SLC29A4: variants seen among roughly 807,000 people sequenced by gnomAD.
SLC29A4 encodes equilibrative nucleoside transporter 4.
Under a neutral mutation model 43.9 loss-of-function variants are expected in SLC29A4, and 36 were observed. The observed-to-expected ratio is 0.82, with a 90% CI of 0.63 to 1.08. The LOEUF (loss-of-function observed/expected upper bound fraction) is 1.08, where lower values mean the gene tolerates loss of function less well. Among genes scored for constraint, SLC29A4 ranks in the 50% least tolerant of loss-of-function variants. The probability of loss-of-function intolerance (pLI) is 0.00; values close to 1 mark genes in which losing one functional copy is unlikely to be tolerated. For missense variants in SLC29A4, 869 were observed against 755.3 expected, an observed-to-expected ratio of 1.15 and a Z score of -1.77; for synonymous variants, 491 against 338.0, an observed-to-expected ratio of 1.45 and a Z score of -4.97.
intron 1 of SLC29A4, among the ~76,000 whole-genome samples, chr7:5,286,541 A>G (rs1784962546): frequency 7.7e-6 from 1 of 130,296 alleles, no homozygotes; most frequent in African/African-American, 3.6e-5. Flanking sequence ...AAAAGAAAAA[A>G]GAAAAAAATC....
chr7:5,287,528 G>A (rs1039416488), intron 1 of SLC29A4, among the ~76,000 whole-genome samples: 30 of 152,138 alleles, frequency 2.0e-4, no homozygotes, highest in Admixed American at 1.6e-3. Context: ...ATACAGTCCC[G>A]GCCGCATGGC....
At position 5,291,309 on chromosome 7, in the gene SLC29A4, C is replaced by G. The variant is rs555181078; in HGVS notation, c.415+72C>G. 7.3e-5 allele frequency: 103 copies of G among 1,401,368 alleles called. No individual in the cohort carries two copies. In the African/African-American group the frequency reaches 1.3e-3, roughly 17 times the overall value. The allele number at this position is 1,401,368 out of a possible 1,614,324, so 86.8% of individuals were successfully genotyped here. ...CTGCCTGGCCGGTCACCCACTCACC[C>G]AGTTTCCCTGAGCCTCACTCCCCTC... is the stretch of plus-strand genomic sequence containing the variant. On this transcript the variant is annotated intron_variant, in intron 4 of 10. Transcript: ENST00000396872.
In SLC29A4 at chr7:5,303,118, T is replaced by A. The variant is rs1786288756; in HGVS notation, c.*179T>A. ...CCTGGACTGAAGTTCTGCAAAGTCC[T>A]CCGAGGACCGGAACACGTTTCTGCG... On this transcript the variant is annotated 3_prime_UTR_variant, in exon 11 of 11. Transcript: ENST00000396872. The A allele has an allele frequency of 1.4e-6, 1 of 736,284 alleles. No homozygotes were observed. The highest frequency in any genetic ancestry group is 2.2e-6 in the Non-Finnish European group (1 of 461,044). 45.6% of individuals were successfully genotyped at this position (736,284 alleles called of 1,614,324 possible).
Position 5,294,928 on chromosome 7 carries a change from G to C in SLC29A4, c.613G>C (p.Gly205Arg). The change falls in exon 6 of 11, where the codon GGG (glycine) becomes CGG (arginine). Residue 205 changes from glycine to arginine, a missense_variant. By Grantham distance (125) the Gly-to-Arg change is moderately radical (BLOSUM62 -2). Transcript: ENST00000396872. ...PKRYTQGVMTGESTAGVMISL... is the reference protein window; with the variant it reads ...PKRYTQGVMTRESTAGVMISL... Reference sequence around the variant, plus strand: ...GCGGTACACGCAGGGGGTGATGACCGGGGAGAGTGAGTATCTGCAGACCCC... The same window carrying C: ...GCGGTACACGCAGGGGGTGATGACCCGGGAGAGTGAGTATCTGCAGACCCC... 1 of 1,606,046 alleles carries C rather than the reference G, an allele frequency of 6.2e-7. No homozygotes were observed.
chr7:5,285,575 G>A (rs1364248118), intron 1 of SLC29A4, among the ~76,000 whole-genome samples: 1 of 152,242 alleles, frequency 6.6e-6, no homozygotes, highest in African/African-American at 2.4e-5. Flanking sequence ...GGGACATGGG[G>A]TCACAGGGAG....
intron 5 of SLC29A4, 108 bp downstream of exon 5, chr7:5,291,929 G>T: frequency 6.8e-7 from 1 of 1,474,700 alleles, no homozygotes; most frequent in Non-Finnish European, 9.0e-7. Flanking sequence ...GAACCGGGCT[G>T]GCTGGGTGCC....
At chr7:5,286,542 GAAAA>G (rs71702513) in intron 1 of SLC29A4, among the ~76,000 whole-genome samples, 1 of 116,302 alleles carries the variant, frequency 8.6e-6, no homozygotes, top group African/African-American at 4.3e-5. Context: ...AAAGAAAAAA[GAAAA>G]AAATCATTTT....
chr7:5,291,413 G>A (rs1472097386), intron 4 of SLC29A4, among the ~76,000 whole-genome samples, 176 bp downstream of exon 4: 1 of 152,232 alleles, frequency 6.6e-6, no homozygotes, highest in Non-Finnish European at 1.5e-5. Flanking sequence ...TGTACCCCAA[G>A]TCATGTCCCT....
Position 5,297,585 on chromosome 7 carries a change from C to T in SLC29A4, c.882+387C>T, listed in dbSNP as rs372334342. On this transcript the variant is annotated intron_variant, in intron 7 of 10. Coordinates refer to ENST00000396872, the MANE Select transcript of SLC29A4 (RefSeq NM_153247.4). ...CTCAGCCCTCCTGGCTGCGCCAACCCACGTTGGAGAGTCCTCCTGCAGGCT... is the reference window on the plus strand; with the variant it reads ...CTCAGCCCTCCTGGCTGCGCCAACCTACGTTGGAGAGTCCTCCTGCAGGCT... Among the ~76,000 whole-genome samples, 57 of 152,342 alleles carry T rather than the reference C, an allele frequency of 3.7e-4. No homozygotes were observed. The East Asian group carries it at 0.01, about 27-fold the overall frequency.
intron 9 of SLC29A4, 73 bp downstream of exon 9, chr7:5,299,500 C>A: frequency 6.7e-7 from 1 of 1,488,050 alleles, no homozygotes. Context: ...CTGGCCTATC[C>A]GGGAAGGGTT....
At chr7:5,296,595 T>G (rs954041850) in intron 6 of SLC29A4, among the ~76,000 whole-genome samples, 57 of 3,360 alleles carry the variant, frequency 0.017, no homozygotes, top group East Asian at 0.026. Context: ...AGTCGGGGGG[T>G]GGGGTGGGAT....
At chr7:5,300,218 C>T (rs927361196) in intron 9 of SLC29A4, among the ~76,000 whole-genome samples, 3 of 152,026 alleles carry the variant, frequency 2.0e-5, no homozygotes, top group South Asian at 2.1e-4. Flanking sequence ...GGGGATAGAC[C>T]GATACACTGA....
Position 5,297,191 on chromosome 7 carries a change from T to A in SLC29A4, c.875T>A (p.Val292Asp). 6.3e-7 allele frequency: 1 copy of A among 1,587,548 alleles called. No individual in the cohort carries two copies. ...RVHHDVVAGD[V>D]HFEHPAPALA... The stretch of plus-strand genomic sequence containing the variant: ...CACCACGACGTTGTCGCCGGGGACG[T>A]CCACTTCGTAAGTGCGCACCGCCCA... Residue 292 changes from valine (V) to aspartate (D), a missense_variant, in exon 7 of 11, where the codon GTC becomes GAC. Physicochemically the swap from Val to Asp is radical, Grantham distance 152. Coordinates refer to ENST00000396872, the MANE Select transcript of SLC29A4 (RefSeq NM_153247.4).
Position 5,303,904 on chromosome 7 carries a change from C to G in SLC29A4, c.*965C>G, listed in dbSNP as rs1370782727. On this transcript the variant is annotated 3_prime_UTR_variant, in exon 11 of 11. Transcript: ENST00000396872. ...GAGGTCAGGGGATCCTAAGGGTGTCCTTCCAGAGACGGTGTTTCCAGGGGG... is the reference window on the plus strand; with the variant it reads ...GAGGTCAGGGGATCCTAAGGGTGTCGTTCCAGAGACGGTGTTTCCAGGGGG... The G allele has an allele frequency of 1.3e-5, 2 of 152,312 alleles. No homozygotes were observed. Among genetic ancestry groups the G allele is most frequent in the East Asian group, 3.8e-4 (2 of 5,204 alleles). The allele number at this position is 152,312 out of a possible 1,614,324, so 9.4% of individuals were successfully genotyped here.
rs1193818359 is a variant in SLC29A4 at position 5,304,508 on chromosome 7, CTTTTT to C, written c.*1572_*1576del. The C allele has an allele frequency of 6.9e-5, 10 of 145,922 alleles. No individual in the cohort carries two copies. The highest frequency in any genetic ancestry group is 2.2e-4 in the East Asian group (1 of 4,596). 9.0% of individuals were successfully genotyped at this position (145,922 alleles called of 1,614,324 possible). On this transcript the variant is annotated 3_prime_UTR_variant, in exon 11 of 11. Transcript: ENST00000396872. ...GCACTGTTCTGTGCCTCATTTCTTT[CTTTTT>C]TTATTTTTTTTTTGAGACTGAGTCT...
intron 9 of SLC29A4, among the ~76,000 whole-genome samples, chr7:5,299,679 C>G (rs185906857): frequency 5.3e-5 from 8 of 152,212 alleles, no homozygotes; most frequent in African/African-American, 1.9e-4. Flanking sequence ...TCTCGCCTCA[C>G]GATCACAGGT....
At chr7:5,286,147 G>A (rs1317919318) in intron 1 of SLC29A4, among the ~76,000 whole-genome samples, 1 of 152,182 alleles carries the variant, frequency 6.6e-6, no homozygotes, top group African/African-American at 2.4e-5. Context: ...ACTCAGTGCT[G>A]TGCTGTCCTC....
At chr7:5,288,641 A>G (rs1040559933) in intron 2 of SLC29A4, among the ~76,000 whole-genome samples, 2 of 151,362 alleles carry the variant, frequency 1.3e-5, no homozygotes, top group Non-Finnish European at 2.9e-5. Context: ...CTTTGGTCAC[A>G]CTCGTTGGCC....
intron 1 of SLC29A4, among the ~76,000 whole-genome samples, chr7:5,283,347 C>T (rs1378226666): frequency 7.0e-6 from 1 of 142,908 alleles, no homozygotes; most frequent in East Asian, 2.2e-4. Context: ...GAGCACCGCG[C>T]GGGGGTCCTC....
Sources: gnomAD v4.1 joint callset for allele counts (sites outside exome capture counted in the v4.1 genomes callset) on GRCh38, gnomAD v4.1.1 for gene constraint, MANE v1.5 for transcripts, NCBI Gene and HGNC (gene_info 2026-07-23, HGNC 2026-07-21) for gene names.